Variants in DCLK2 observed in about 807,000 individuals in gnomAD.
DCLK2 encodes the protein serine/threonine-protein kinase DCLK2.
A neutral mutation model predicts 78.4 loss-of-function variants in DCLK2; 31 were observed. The ratio of observed to expected loss-of-function variants is 0.40; its 90% confidence interval spans 0.30 to 0.53. The LOEUF (loss-of-function observed/expected upper bound fraction) is 0.53, where lower values mean the gene tolerates loss of function less well. Ranked by LOEUF, DCLK2 falls within the 20% of genes least tolerant of loss-of-function variation. DCLK2 has a pLI of 0.61. For missense variants in DCLK2, 872 were observed against 973.7 expected (o/e 0.90, Z 1.39); for synonymous variants, 407 against 374.9 (o/e 1.09, Z -0.99).
chr4:150,256,103 T>A lies in DCLK2; in HGVS notation c.2157T>A (p.Ser719=). 1 of 1,612,474 alleles carries A rather than the reference T, an allele frequency of 6.2e-7. No homozygotes were observed. The highest frequency in any genetic ancestry group is 8.5e-7 in the Non-Finnish European group (1 of 1,179,758). ...GCAGGCCTGGGATGGAGCCCATCTCTCCAGTTCCTCCCTCAGTGGAGGAGA... is the reference window on the plus strand; with the variant it reads ...GCAGGCCTGGGATGGAGCCCATCTCACCAGTTCCTCCCTCAGTGGAGGAGA... ...DSGRPGMEPI[S]PVPPSVEEIP... Residue 719 remains serine (S), a synonymous_variant, in exon 16 of 16, where the codon TCT becomes TCA. Coordinates refer to ENST00000296550, the MANE Select transcript of DCLK2 (RefSeq NM_001040260.4).
At chr4:150,229,028 G>A (rs570255562) in intron 8 of DCLK2, among the ~76,000 whole-genome samples, 11 of 143,020 alleles carry the variant, frequency 7.7e-5, no homozygotes, top group African/African-American at 2.3e-4. Context: ...GCGAGACTCC[G>A]TCTCAAAAAA....
At chr4:150,079,833 G>A (rs935831533) in intron 1 of DCLK2, among the ~76,000 whole-genome samples, 11 of 152,132 alleles carry the variant, frequency 7.2e-5, no homozygotes, top group African/African-American at 2.7e-4. Flanking sequence ...GGACCCTGGT[G>A]CAGGCTCCTG....
At chr4:150,200,395 C>T (rs574915887) in intron 4 of DCLK2, among the ~76,000 whole-genome samples, 3 of 152,186 alleles carry the variant, frequency 2.0e-5, no homozygotes, top group South Asian at 2.1e-4. Context: ...AAAGTGTGTT[C>T]GACACTTTAG....
intron 1 of DCLK2, among the ~76,000 whole-genome samples, chr4:150,101,447 G>C (rs981898408): frequency 4.0e-5 from 6 of 151,842 alleles, no homozygotes; most frequent in Non-Finnish European, 7.4e-5. Context: ...GGTTACTTCT[G>C]TTTTAAGTAT....
intron 2 of DCLK2, among the ~76,000 whole-genome samples, chr4:150,122,177 T>C (rs1732597447): frequency 6.6e-6 from 1 of 152,240 alleles, no homozygotes. Flanking sequence ...GCCCTGCTGC[T>C]GCTTTATCAA....
At chr4:150,214,941 G>A (rs1740575106) in intron 5 of DCLK2, among the ~76,000 whole-genome samples, 1 of 134,848 alleles carries the variant, frequency 7.4e-6, no homozygotes. Context: ...CACCCTGGGT[G>A]ACAGAGTGTC....
chr4:150,121,066 T>G (rs898885560), intron 2 of DCLK2, among the ~76,000 whole-genome samples: 45 of 151,636 alleles, frequency 3.0e-4, no homozygotes, highest in Non-Finnish European at 1.5e-5. Flanking sequence ...AGTGAAACTT[T>G]GTCTAAAAAA....
At chr4:150,201,015 G>A (rs933298559) in intron 4 of DCLK2, among the ~76,000 whole-genome samples, 2 of 152,044 alleles carry the variant, frequency 1.3e-5, no homozygotes, top group African/African-American at 2.4e-5. Context: ...ACGAGGTTTC[G>A]CCATGTTGGC....
At chr4:150,225,519 C>T (rs978232699) in intron 8 of DCLK2, among the ~76,000 whole-genome samples, 4 of 152,196 alleles carry the variant, frequency 2.6e-5, no homozygotes, top group Admixed American at 2.6e-4. Context: ...AGAGCTACAT[C>T]GTTCAACACC....
At chr4:150,079,525 G>T in intron 1 of DCLK2, 77 bp downstream of exon 1, 4 of 1,379,308 alleles carry the variant, frequency 2.9e-6, no homozygotes, top group Non-Finnish European at 3.8e-6. Context: ...GCGCAGCGGG[G>T]AGCCCGCGGG....
rs577435723 is a variant in DCLK2, at chr4:150,195,663, T to C, written c.860-2339T>C. Among the ~76,000 whole-genome samples, 24 of 150,498 alleles carry C rather than the reference T, an allele frequency of 1.6e-4. No individual in the cohort carries two copies. In the South Asian group the frequency reaches 4.0e-3, roughly 25 times the overall value. On this transcript the variant is annotated intron_variant, in intron 3 of 15. Transcript: ENST00000296550. ...AACATTTGTTGAGCCACTTACTTTGTATGTACAGGCATTGTACTCAGTGCT... is the reference window on the plus strand; with the variant it reads ...AACATTTGTTGAGCCACTTACTTTGCATGTACAGGCATTGTACTCAGTGCT...
chr4:150,080,358 C>T (rs1729166498), intron 1 of DCLK2, among the ~76,000 whole-genome samples: 1 of 148,666 alleles, frequency 6.7e-6, no homozygotes, highest in Non-Finnish European at 1.5e-5. Context: ...GTTGGGTCAT[C>T]CTTGAATTCC....
chr4:150,179,996 T>A (rs1003635585), intron 2 of DCLK2, among the ~76,000 whole-genome samples: 3 of 152,242 alleles, frequency 2.0e-5, no homozygotes, highest in Non-Finnish European at 4.4e-5. Flanking sequence ...GCCATTCATT[T>A]ACTCCATAAA....
intron 5 of DCLK2, among the ~76,000 whole-genome samples, chr4:150,214,718 T>C (rs1194734851): frequency 6.6e-6 from 1 of 152,040 alleles, no homozygotes; most frequent in Non-Finnish European, 1.5e-5. Flanking sequence ...ACTCAGCACT[T>C]TGGGAGGCCA....
intron 14 of DCLK2, among the ~76,000 whole-genome samples, chr4:150,248,644 A>G (rs2126627070): frequency 6.6e-6 from 1 of 152,288 alleles, no homozygotes; most frequent in East Asian, 1.9e-4. Context: ...CTTATCTGCA[A>G]AATGGAATTG....
chr4:150,110,162 G>A (rs1332323984), intron 2 of DCLK2, among the ~76,000 whole-genome samples: 2 of 152,160 alleles, frequency 1.3e-5, no homozygotes, highest in Non-Finnish European at 2.9e-5. Context: ...ATTATGCAAT[G>A]TAAAGTGTAG....
intron 5 of DCLK2, among the ~76,000 whole-genome samples, chr4:150,211,606 T>C (rs1580725458): frequency 6.6e-6 from 1 of 152,162 alleles, no homozygotes. Context: ...AACCTTCCTG[T>C]CCATCCTCTT....
At chr4:150,153,520 T>C in intron 2 of DCLK2, among the ~76,000 whole-genome samples, 1 of 151,798 alleles carries the variant, frequency 6.6e-6, no homozygotes, top group Non-Finnish European at 1.5e-5. Flanking sequence ...CCAAGCAACT[T>C]ACCCACCGCA....
intron 2 of DCLK2, among the ~76,000 whole-genome samples, chr4:150,125,706 G>A (rs62338180): frequency 0.23 from 35,613 of 151,870 alleles, 4,551 homozygotes; most frequent in African/African-American, 0.34. Flanking sequence ...CCTGGCCAAC[G>A]TGGTGAAACC....
Sources: allele counts gnomAD v4.1 joint callset (sites outside exome capture counted in the v4.1 genomes callset), GRCh38; gene constraint gnomAD v4.1.1; transcripts MANE v1.5; gene names NCBI Gene and HGNC (gene_info 2026-07-23, HGNC 2026-07-21).